Variants in NLRP13 observed in about 807,000 individuals in gnomAD.
The protein encoded by NLRP13 is NACHT, LRR and PYD domains-containing protein 13.
NLRP13 carries 82 observed loss-of-function variants against 94.4 expected under a neutral mutation model. The ratio of observed to expected loss-of-function variants is 0.87; its 90% confidence interval spans 0.73 to 1.04. The LOEUF (loss-of-function observed/expected upper bound fraction) is 1.04, where lower values mean the gene tolerates loss of function less well. Among genes scored for constraint, NLRP13 ranks in the 50% least tolerant of loss-of-function variants. NLRP13 has a pLI of 0.00. For missense variants in NLRP13, 1,426 were observed against 1,230.8 expected (o/e 1.16, Z -2.37); for synonymous variants, 553 against 464.7 (o/e 1.19, Z -2.45).
rs1462008065 is a variant in NLRP13, at chr19:55,911,724, C to CTT, written c.2091_2092dup (p.Arg698LysfsTer35). 30 of 1,603,054 alleles carry CTT rather than the reference C, an allele frequency of 1.9e-5. No homozygotes were observed. The highest frequency in any genetic ancestry group is 2.6e-5 in the Non-Finnish European group (30 of 1,174,884). On this transcript the variant is annotated frameshift_variant, in exon 5 of 11. Coordinates refer to ENST00000342929, the MANE Select transcript of NLRP13 (RefSeq NM_176810.2). LOFTEE classifies it high-confidence loss of function. ...TACTCACTCCAGAATTTCCAAGTCC[C>CTT]TTTCAAGGATGTGACTGCTAACAGA...
chr19:55,918,966 A>G (rs1345499663), intron 4 of NLRP13, among the ~76,000 whole-genome samples: 1 of 152,104 alleles, frequency 6.6e-6, no homozygotes, highest in Non-Finnish European at 1.5e-5. Flanking sequence ...AAGTGCAAAA[A>G]TCTTCAACAA....
rs916655365 is a variant in NLRP13, at chr19:55,912,425, G to C, written c.1392C>G (p.Phe464Leu). ...SLYAYFFSNL[F>L]STAEVDLADD... ...CTGCCAAATCTACCTCTGCTGTGGA[G>C]AACAAGTTGGAGAAAAAATAGGCAT... Residue 464 changes from phenylalanine (F) to leucine (L), a missense_variant, in exon 5 of 11, where the codon TTC becomes TTG. Physicochemically the swap from Phe to Leu is conservative, Grantham distance 22. Transcript: ENST00000342929. The C allele has an allele frequency of 3.7e-6, 6 of 1,614,066 alleles. No individual in the cohort carries two copies. The highest frequency in any genetic ancestry group is 5.1e-6 in the Non-Finnish European group (6 of 1,180,046).
At chr19:55,931,463 C>T (rs1262866607) in intron 1 of NLRP13, among the ~76,000 whole-genome samples, 1 of 151,854 alleles carries the variant, frequency 6.6e-6, no homozygotes, top group Non-Finnish European at 1.5e-5. Flanking sequence ...AATCCCAGTG[C>T]TTTGGGAGGT....
chr19:55,929,450 A>C, intron 1 of NLRP13, among the ~76,000 whole-genome samples: 1 of 152,216 alleles, frequency 6.6e-6, no homozygotes, highest in Non-Finnish European at 1.5e-5. Flanking sequence ...CAGCCGTAAA[A>C]AAGGATGAGT....
chr19:55,923,897 T>A lies in NLRP13; in HGVS notation c.523+17A>T. On this transcript the variant is annotated intron_variant, in intron 4 of 10. Coordinates refer to ENST00000342929, the MANE Select transcript of NLRP13 (RefSeq NM_176810.2). ...TCAAGCAACCTGTCCATTATCAACA[T>A]AAAGTAGTATACACACCTGCTTCCT... 6.2e-7 allele frequency: 1 copy of A among 1,601,246 alleles called. No individual in the cohort carries two copies. Among genetic ancestry groups the A allele is most frequent in the Non-Finnish European group, 8.6e-7 (1 of 1,168,286 alleles).
intron 7 of NLRP13, among the ~76,000 whole-genome samples, chr19:55,906,953 G>C (rs1446731051): frequency 2.9e-4 from 33 of 114,352 alleles, no homozygotes; most frequent in Non-Finnish European, 5.2e-4. Flanking sequence ...GAGTTCCTGG[G>C]ATCTGTATTA....
chr19:55,897,912 A>G (rs1404465507), intron 10 of NLRP13, among the ~76,000 whole-genome samples: 7 of 152,200 alleles, frequency 4.6e-5, no homozygotes, highest in East Asian at 3.9e-4. Context: ...ACCATTCCCT[A>G]CATGAGAAAT....
intron 1 of NLRP13, among the ~76,000 whole-genome samples, chr19:55,931,138 C>T (rs1987122128): frequency 6.6e-6 from 1 of 151,796 alleles, no homozygotes; most frequent in South Asian, 2.1e-4. Context: ...AGTGAAAGAA[C>T]AATGATCTGA....
downstream of NLRP13, among the ~76,000 whole-genome samples, chr19:55,892,345 T>C (rs112818499): frequency 1.7e-3 from 252 of 151,066 alleles, 3 homozygotes; most frequent in African/African-American, 5.7e-3. Context: ...TAGTCCCGTG[T>C]CTTGTCAACA....
intron 10 of NLRP13, 116 bp downstream of exon 10, chr19:55,898,654 T>A (rs1278447661): frequency 8.8e-7 from 1 of 1,141,302 alleles, no homozygotes; most frequent in Non-Finnish European, 1.2e-6. Context: ...TGAGATTTCT[T>A]AGATGGCTTG....
chr19:55,901,828 G>A (rs2123107806), intron 9 of NLRP13, among the ~76,000 whole-genome samples: 1 of 152,112 alleles, frequency 6.6e-6, no homozygotes, highest in East Asian at 1.9e-4. Flanking sequence ...TCAAACCCGG[G>A]GGCTGGTCTC....
Position 55,898,881 on chromosome 19 carries a change from C to T in NLRP13, c.2846G>A (p.Ser949Asn), listed in dbSNP as rs1986087927. 8 of 1,613,912 alleles carry T rather than the reference C, an allele frequency of 5.0e-6. No homozygotes were observed. In the East Asian group the frequency reaches 1.8e-4, roughly 36 times the overall value. The change falls in exon 10 of 11, where the codon AGC becomes AAC. Residue 949 changes from serine to asparagine, a missense_variant. By Grantham distance (46) the Ser-to-Asn change is conservative. Coordinates refer to ENST00000342929, the MANE Select transcript of NLRP13 (RefSeq NM_176810.2). ...CAAGATTTTCACATTATGATTATGG[C>T]TGAGGGCATTAGCCAGCTCTCCACA... ...EGCGELANAL[S>N]HNHNVKILDL...
intron 1 of NLRP13, among the ~76,000 whole-genome samples, chr19:55,931,722 A>AGAAAGAAAGACAG (rs1468023647): frequency 2.8e-4 from 30 of 107,360 alleles, no homozygotes; most frequent in African/African-American, 1.0e-3. Flanking sequence ...AAAAAAAAAA[A>AGAAAGAAAGACAG]AAAGAAAGAA....
rs967658224 is a variant in NLRP13 at position 55,912,339 on chromosome 19, G to A, written c.1478C>T (p.Ser493Phe). The A allele has an allele frequency of 1.2e-6, 2 of 1,613,938 alleles. No homozygotes were observed. The highest frequency in any genetic ancestry group is 2.2e-5 in the South Asian group (2 of 91,066). The change falls in exon 5 of 11, where the codon TCT becomes TTT. Residue 493 changes from serine (S) to phenylalanine (F), a missense_variant. Transcript: ENST00000342929. ...LCSLAIEGLWSMNFTFNKEDT... is the reference protein window; with the variant it reads ...LCSLAIEGLWFMNFTFNKEDT... Reference sequence around the variant, plus strand: ...TTCTTTGTTAAACGTGAAGTTCATAGACCACAGCCCTTCTATGGCCAGACT... The same window carrying A: ...TTCTTTGTTAAACGTGAAGTTCATAAACCACAGCCCTTCTATGGCCAGACT...
chr19:55,905,317 G>A (rs1252895193), intron 7 of NLRP13, among the ~76,000 whole-genome samples: 1 of 151,760 alleles, frequency 6.6e-6, no homozygotes, highest in Admixed American at 6.6e-5. Flanking sequence ...CAAGGCGGGT[G>A]GATCACCTGA....
chr19:55,932,129 T>A lies in NLRP13; in HGVS notation c.183A>T (p.Arg61Ser). 2 of 1,614,130 alleles carry A rather than the reference T, an allele frequency of 1.2e-6. No individual in the cohort carries two copies. Among genetic ancestry groups the A allele is most frequent in the Non-Finnish European group, 1.7e-6 (2 of 1,180,022 alleles). ...AGGACAGATTCAAAGGGTCGGCAGCTCTCAAGTTTGCCCAGGGGATACGCG... is the reference window on the plus strand; with the variant it reads ...AGGACAGATTCAAAGGGTCGGCAGCACTCAAGTTTGCCCAGGGGATACGCG... ...HFPRIPWANL[R>S]AADPLNLSFL... is the part of the protein sequence containing the mutation. Residue 61 changes from arginine (R) to serine (S), a missense_variant, in exon 1 of 11, where the codon AGA becomes AGT. Coordinates refer to ENST00000342929, the MANE Select transcript of NLRP13 (RefSeq NM_176810.2).
intron 1 of NLRP13, among the ~76,000 whole-genome samples, chr19:55,931,254 C>T (rs1364972066): frequency 6.6e-6 from 1 of 152,010 alleles, no homozygotes; most frequent in Admixed American, 6.6e-5. Context: ...TGGCTCTGCT[C>T]GGCTGAGTGC....
chr19:55,907,054 G>T (rs1192678025), intron 7 of NLRP13, among the ~76,000 whole-genome samples: 1 of 152,066 alleles, frequency 6.6e-6, no homozygotes. Context: ...CCGCTCCCGG[G>T]TTCAAGCGAG....
In NLRP13 at chr19:55,910,604, A is replaced by G; in HGVS notation, c.2241T>C (p.Cys747=). 1 of 1,613,336 alleles carries G rather than the reference A, an allele frequency of 6.2e-7. No homozygotes were observed. The highest frequency in any genetic ancestry group is 8.5e-7 in the Non-Finnish European group (1 of 1,179,412). The part of the protein sequence containing the change: ...KLHASSVKGL[C]LALKNPRCKV... The stretch of plus-strand genomic sequence containing the variant: ...TGCATCTTGGATTTTTCAGTGCAAG[A>G]CAGAGACCCTTCACAGAGGAAGCAT... The change falls in exon 6 of 11, where the codon TGT becomes TGC. Residue 747 remains cysteine, a synonymous_variant. Coordinates refer to ENST00000342929, the MANE Select transcript of NLRP13 (RefSeq NM_176810.2).
Sources: gnomAD v4.1 joint callset for allele counts (sites outside exome capture counted in the v4.1 genomes callset) on GRCh38, gnomAD v4.1.1 for gene constraint, MANE v1.5 for transcripts, NCBI Gene and HGNC (gene_info 2026-07-23, HGNC 2026-07-21) for gene names.